GRM8: variants seen among roughly 807,000 people sequenced by gnomAD.
The protein encoded by GRM8 is glutamate metabotropic receptor 8.
In GRM8, 47 loss-of-function variants were observed where a neutral mutation model predicts 87.2. That is an observed-to-expected ratio of 0.54 (90% confidence interval 0.43 to 0.69). The LOEUF (loss-of-function observed/expected upper bound fraction) is 0.69, where lower values mean the gene tolerates loss of function less well. Ranked by LOEUF, GRM8 falls within the 30% of genes least tolerant of loss-of-function variation. The pLI is 0.00. For missense variants in GRM8, 1,019 were observed against 1,139.2 expected (o/e 0.89, Z 1.52); for synonymous variants, 396 against 404.5 (o/e 0.98, Z 0.25).
intron 7 of GRM8, among the ~76,000 whole-genome samples, chr7:126,652,927 G>C (rs1204624414): frequency 6.6e-6 from 1 of 151,940 alleles, no homozygotes; most frequent in Non-Finnish European, 1.5e-5. Context: ...TAGCTTAGAG[G>C]AACAGTTTTC....
At chr7:126,652,887 A>G (rs1461138046) in intron 7 of GRM8, among the ~76,000 whole-genome samples, 1 of 152,084 alleles carries the variant, frequency 6.6e-6, no homozygotes, top group African/African-American at 2.4e-5. Context: ...CTAACTCTAT[A>G]TGTCTCCTTC....
At chr7:126,606,112 T>C (rs1798317505) in intron 8 of GRM8, among the ~76,000 whole-genome samples, 2 of 152,168 alleles carry the variant, frequency 1.3e-5, no homozygotes, top group African/African-American at 4.8e-5. Context: ...AGTTTGTTTT[T>C]TGAGTGCAGA....
chr7:126,478,778 C>T (rs535129903), intron 9 of GRM8, among the ~76,000 whole-genome samples: 4 of 152,092 alleles, frequency 2.6e-5, no homozygotes, highest in African/African-American at 9.6e-5. Context: ...CACTAAATGG[C>T]TGTGCTAATT....
intron 7 of GRM8, among the ~76,000 whole-genome samples, chr7:126,743,206 T>C (rs939657063): frequency 6.6e-6 from 1 of 152,150 alleles, no homozygotes; most frequent in Non-Finnish European, 1.5e-5. Context: ...AGGACATATG[T>C]AGTACGATTT....
At chr7:127,109,343 C>T (rs140390853) in intron 2 of GRM8, among the ~76,000 whole-genome samples, 1 of 152,108 alleles carries the variant, frequency 6.6e-6, no homozygotes, top group Non-Finnish European at 1.5e-5. Flanking sequence ...AAAGTAGTGT[C>T]TTTTATAAGC....
chr7:127,064,556 T>G (rs761253742), intron 3 of GRM8, among the ~76,000 whole-genome samples: 18 of 152,218 alleles, frequency 1.2e-4, no homozygotes, highest in Non-Finnish European at 2.5e-4. Context: ...TACCATTGGA[T>G]CTTGCTTTTC....
intron 7 of GRM8, among the ~76,000 whole-genome samples, chr7:126,744,691 T>C (rs1815434222): frequency 1.3e-5 from 2 of 152,006 alleles, no homozygotes; most frequent in African/African-American, 4.8e-5. Context: ...CAGATTTTGG[T>C]GTAATACCAA....
At chr7:126,845,675 T>C (rs898466265) in intron 6 of GRM8, among the ~76,000 whole-genome samples, 4 of 152,234 alleles carry the variant, frequency 2.6e-5, no homozygotes, top group African/African-American at 4.8e-5. Context: ...TGTGAATGTA[T>C]AAATATTTGT....
intron 2 of GRM8, among the ~76,000 whole-genome samples, chr7:127,213,243 A>G (rs922787667): frequency 1.3e-5 from 2 of 152,170 alleles, no homozygotes; most frequent in African/African-American, 4.8e-5. Flanking sequence ...CACCTTAGAT[A>G]GTGCACCTTA....
At chr7:127,198,217 A>G (rs1282989524) in intron 2 of GRM8, among the ~76,000 whole-genome samples, 3 of 152,114 alleles carry the variant, frequency 2.0e-5, no homozygotes, top group African/African-American at 7.2e-5. Context: ...AACATTATAA[A>G]TTTTCTCTTT....
rs570003096 is a variant in GRM8, at chr7:127,040,469, A to G, written c.727+66027T>C. 2.6e-5 allele frequency among the ~76,000 whole-genome samples: 4 copies of G among 152,298 alleles called. No homozygotes were observed. In the South Asian group the frequency reaches 8.3e-4, roughly 32 times the overall value. On this transcript the variant is annotated intron_variant, in intron 3 of 10. Coordinates refer to ENST00000339582, the MANE Select transcript of GRM8 (RefSeq NM_000845.3). ...TCAGTTACCGATGTGAAACTACAGA[A>G]TCATCTCATTTTCTCTCAAGGACAA...
At chr7:126,693,247 C>T (rs1000070519) in intron 7 of GRM8, among the ~76,000 whole-genome samples, 2 of 152,080 alleles carry the variant, frequency 1.3e-5, no homozygotes, top group Admixed American at 6.6e-5. Flanking sequence ...CATTATTATT[C>T]CTTTGTGATA....
intron 10 of GRM8, among the ~76,000 whole-genome samples, chr7:126,440,912 G>C (rs1232083820): frequency 6.6e-6 from 1 of 151,952 alleles, no homozygotes; most frequent in Non-Finnish European, 1.5e-5. Context: ...CTCATTTATA[G>C]TATATAAATA....
In GRM8 at chr7:127,056,724, C is replaced by T. The variant is rs568529792; in HGVS notation, c.727+49772G>A. 2.0e-5 allele frequency among the ~76,000 whole-genome samples: 3 copies of T among 152,218 alleles called. No homozygotes were observed. The South Asian group carries it at 6.2e-4, about 32-fold the overall frequency. ...TACTTTGCTTGTTTAATGTGTAAACCAATGATAATTCACAAATTTGCTAAT... is the reference window on the plus strand; with the variant it reads ...TACTTTGCTTGTTTAATGTGTAAACTAATGATAATTCACAAATTTGCTAAT... On this transcript the variant is annotated intron_variant, in intron 3 of 10. Coordinates refer to ENST00000339582, the MANE Select transcript of GRM8 (RefSeq NM_000845.3).
rs552850206 is a variant in GRM8, at chr7:126,990,400, C to CAATA, written c.728-85721_728-85718dup. Among the ~76,000 whole-genome samples the CAATA allele has an allele frequency of 1.8e-3, 270 of 149,842 alleles. 1 individual carries two copies. The highest frequency in any genetic ancestry group is 6.3e-3 in the African/African-American group (258 of 40,834). On this transcript the variant is annotated intron_variant, in intron 3 of 10. Transcript: ENST00000339582. ...CTCCCTTCATCATGTCCTGAACATA[C>CAATA]AATACCTAGGCTTGCATTATGTATT...
At chr7:127,075,450 C>T (rs1337803587) in intron 3 of GRM8, among the ~76,000 whole-genome samples, 22 of 151,950 alleles carry the variant, frequency 1.4e-4, no homozygotes. Context: ...TTGATAAATG[C>T]ATTCATAAAT....
intron 6 of GRM8, among the ~76,000 whole-genome samples, chr7:126,790,088 A>G (rs552329884): frequency 6.3e-4 from 96 of 152,012 alleles, no homozygotes; most frequent in African/African-American, 2.2e-3. Context: ...GCTCACTGCA[A>G]CCTCTGCCCC....
chr7:126,504,324 C>G lies in GRM8; in HGVS notation c.2430+28628G>C, dbSNP rs188668384. 2.0e-5 allele frequency among the ~76,000 whole-genome samples: 3 copies of G among 152,080 alleles called. No homozygotes were observed. The East Asian group carries it at 5.8e-4, about 30-fold the overall frequency. ...ACATTTTAAAATTCACTATTAGTTT[C>G]CTATTCTCATATTAATTCAGTGTTT... On this transcript the variant is annotated intron_variant, in intron 9 of 10. Transcript: ENST00000339582.
chr7:126,793,171 T>C (rs909810150), intron 6 of GRM8, among the ~76,000 whole-genome samples: 1 of 152,226 alleles, frequency 6.6e-6, no homozygotes, highest in Non-Finnish European at 1.5e-5. Context: ...GTCTTCTTTT[T>C]CTACTTGTGA....
Sources: allele counts gnomAD v4.1 joint callset (sites outside exome capture counted in the v4.1 genomes callset), GRCh38; gene constraint gnomAD v4.1.1; transcripts MANE v1.5; gene names NCBI Gene and HGNC (gene_info 2026-07-23, HGNC 2026-07-21).